Variants in ANKFN1 observed in about 807,000 individuals in gnomAD.
The protein encoded by ANKFN1 is ankyrin repeat and fibronectin type-III domain-containing protein 1.
Under a neutral mutation model 108.7 loss-of-function variants are expected in ANKFN1, and 74 were observed. That is an observed-to-expected ratio of 0.68 (90% CI 0.56 to 0.83). The LOEUF is 0.83. ANKFN1 is among the 40% of genes least tolerant of loss of function. The pLI is 0.00. For synonymous variants in ANKFN1, 547 were observed against 516.2 expected, an observed-to-expected ratio of 1.06 and a Z score of -0.81; for missense variants, 1,505 against 1,382.3, an observed-to-expected ratio of 1.09 and a Z score of -1.41.
At chr17:56,205,076 CAAAAA>C (rs1274866089) in intron 1 of ANKFN1, among the ~76,000 whole-genome samples, 1 of 147,316 alleles carries the variant, frequency 6.8e-6, no homozygotes, top group Non-Finnish European at 1.5e-5. Flanking sequence ...GACTCCGTCT[CAAAAA>C]CAAAACAAAA....
intron 14 of ANKFN1, chr17:56,463,799 C>T (rs549509165): frequency 3.3e-5 from 5 of 152,128 alleles, no homozygotes; most frequent in Admixed American, 3.3e-4. Flanking sequence ...AAAGATTTTC[C>T]CAAAATTTTG....
Position 56,350,901 on chromosome 17 carries a change from C to T in ANKFN1, c.324C>T (p.His108=), listed in dbSNP as rs2046231017. ...TCTCTGAGAAACTGAAAGGGAGCCA[C>T]TCTTCCTTCGATGAGGCCTATTTTA... ...RNLSEKLKGS[H]SSFDEAYFRT... is the part of the protein sequence containing the mutation. The change falls in exon 5 of 21, where the codon CAC becomes CAT. Residue 108 remains histidine (H), a synonymous_variant. Coordinates refer to ENST00000682825, the MANE Select transcript of ANKFN1 (RefSeq NM_001370326.1). 1.9e-6 allele frequency: 3 copies of T among 1,613,748 alleles called. No individual in the cohort carries two copies. In the East Asian group the frequency reaches 6.7e-5, roughly 36 times the overall value.
intron 3 of ANKFN1, among the ~76,000 whole-genome samples, chr17:56,311,807 G>T (rs1366898204): frequency 2.6e-5 from 4 of 152,100 alleles, no homozygotes; most frequent in African/African-American, 7.2e-5. Context: ...CATCCCCAAG[G>T]TATCTCATTA....
At position 56,376,945 on chromosome 17, in the gene ANKFN1, G is replaced by A. The variant is rs2046963360; in HGVS notation, c.910+2231G>A. ...AACAGCAGTGCAGTTTTTAATTCAG[G>A]GGTTGAAGTAATTATTTAATTATGA... On this transcript the variant is annotated intron_variant, in intron 8 of 20. Coordinates refer to ENST00000682825, the MANE Select transcript of ANKFN1 (RefSeq NM_001370326.1). Among the ~76,000 whole-genome samples, 2 of 151,996 alleles carry A rather than the reference G, an allele frequency of 1.3e-5. 1 individual carries two copies. The highest frequency in any genetic ancestry group is 4.2e-4 in the South Asian group (2 of 4,816).
At chr17:56,459,415 C>T (rs1005997957) in intron 14 of ANKFN1, among the ~76,000 whole-genome samples, 2 of 152,130 alleles carry the variant, frequency 1.3e-5, no homozygotes, top group Admixed American at 1.3e-4. Context: ...CTGGCCTCAA[C>T]TCACTCTTGA....
At chr17:56,100,438 C>T (rs1905622532) in intron 4 of ANKFN1, among the ~76,000 whole-genome samples, 1 of 152,108 alleles carries the variant, frequency 6.6e-6, no homozygotes, top group Non-Finnish European at 1.5e-5. Flanking sequence ...GTGGACAGAT[C>T]AATGTATTAC....
intron 4 of ANKFN1, among the ~76,000 whole-genome samples, chr17:56,072,654 T>C (rs1348590371): frequency 6.6e-6 from 1 of 152,236 alleles, no homozygotes; most frequent in Non-Finnish European, 1.5e-5. Flanking sequence ...GCTATCCTTG[T>C]AGCAGCTTTC....
intron 8 of ANKFN1, among the ~76,000 whole-genome samples, chr17:56,411,807 T>G (rs766967859): frequency 2.5e-4 from 38 of 152,342 alleles, no homozygotes; most frequent in Admixed American, 6.5e-4. Flanking sequence ...TTTATATATG[T>G]TGAAATCCCT....
At chr17:56,416,520 A>G (rs2048244737) in intron 8 of ANKFN1, among the ~76,000 whole-genome samples, 1 of 152,246 alleles carries the variant, frequency 6.6e-6, no homozygotes, top group Non-Finnish European at 1.5e-5. Flanking sequence ...ATCTCACCCC[A>G]GTTAAAATGG....
At chr17:56,440,288 C>G in intron 8 of ANKFN1, 39 bp from the exon 9 acceptor site, 1 of 1,325,016 alleles carries the variant, frequency 7.5e-7, no homozygotes, top group Non-Finnish European at 1.1e-6. Flanking sequence ...ATTTTATTCT[C>G]CCTCTTTCTC....
At chr17:56,278,749 G>A (rs983843616) in intron 3 of ANKFN1, among the ~76,000 whole-genome samples, 1 of 152,212 alleles carries the variant, frequency 6.6e-6, no homozygotes, top group Non-Finnish European at 1.5e-5. Context: ...CTTAAAAGAT[G>A]CCTTATGACC....
intron 8 of ANKFN1, among the ~76,000 whole-genome samples, chr17:56,394,004 A>G (rs1355773066): frequency 6.6e-6 from 1 of 152,260 alleles, no homozygotes; most frequent in Non-Finnish European, 1.5e-5. Flanking sequence ...CAATGAACAG[A>G]CTAAACACAG....
intron 3 of ANKFN1, among the ~76,000 whole-genome samples, chr17:56,307,317 C>A (rs1454445539): frequency 6.6e-6 from 1 of 152,100 alleles, no homozygotes; most frequent in East Asian, 1.9e-4. Flanking sequence ...AAAATTTTTG[C>A]AATCTGCTCA....
At chr17:56,251,134 T>G (rs1403695869) in intron 3 of ANKFN1, among the ~76,000 whole-genome samples, 3 of 152,226 alleles carry the variant, frequency 2.0e-5, no homozygotes, top group Non-Finnish European at 4.4e-5. Context: ...CTCATGCCTA[T>G]AAACCCAGCA....
At chr17:56,222,900 A>G (rs1047076722) in intron 2 of ANKFN1, among the ~76,000 whole-genome samples, 3 of 152,204 alleles carry the variant, frequency 2.0e-5, no homozygotes, top group African/African-American at 7.2e-5. Flanking sequence ...CTAAAAGTAA[A>G]TGTTCAAAAT....
Position 56,492,484 on chromosome 17 carries a change from G to A in ANKFN1, c.2427+131G>A, listed in dbSNP as rs878945951. 5 of 558,520 alleles carry A rather than the reference G, an allele frequency of 9.0e-6. No homozygotes were observed. The African/African-American group carries it at 9.3e-5, about 10-fold the overall frequency. The allele number at this position is 558,520 out of a possible 1,614,324, so 34.6% of individuals were successfully genotyped here. On this transcript the variant is annotated intron_variant, in intron 19 of 20. Transcript: ENST00000682825. ...ACACGGTGTGTAAGTTGCCTATTGAGTTGGTTAAAATGTGGAGCTCAGGCA... is the reference window on the plus strand; with the variant it reads ...ACACGGTGTGTAAGTTGCCTATTGAATTGGTTAAAATGTGGAGCTCAGGCA...
rs554591795 is a variant in ANKFN1 at position 56,144,035 on chromosome 17, A to T, written c.289-83882A>T. ...GCAAACTGATCACTTTATAATCATC[A>T]GTCTGGATTTTTATCCTTATCACAA... is the stretch of plus-strand genomic sequence containing the variant. On this transcript the variant is annotated intron_variant, in intron 4 of 12. Transcript: ENST00000635860. 3.9e-5 allele frequency among the ~76,000 whole-genome samples: 6 copies of T among 152,174 alleles called. No individual in the cohort carries two copies. The South Asian group carries it at 1.0e-3, about 26-fold the overall frequency.
At chr17:56,410,027 GC>G (rs1282078883) in intron 8 of ANKFN1, among the ~76,000 whole-genome samples, 1 of 151,990 alleles carries the variant, frequency 6.6e-6, no homozygotes, top group Non-Finnish European at 1.5e-5. Context: ...GAAAAGCCAG[GC>G]CAATTTTAAG....
At chr17:56,419,210 A>G (rs1182822938) in intron 8 of ANKFN1, among the ~76,000 whole-genome samples, 2 of 152,206 alleles carry the variant, frequency 1.3e-5, no homozygotes, top group Non-Finnish European at 2.9e-5. Context: ...GGCCAGGTGC[A>G]GTGGCTCACG....
Sources: gnomAD v4.1 joint callset for allele counts (sites outside exome capture counted in the v4.1 genomes callset) on GRCh38, gnomAD v4.1.1 for gene constraint, MANE v1.5 for transcripts, NCBI Gene and HGNC (gene_info 2026-07-23, HGNC 2026-07-21) for gene names.